PDXDC1: variants seen among roughly 807,000 people sequenced by gnomAD.
The protein encoded by PDXDC1 is pyridoxal-dependent decarboxylase domain-containing protein 1.
In PDXDC1, 42 loss-of-function variants were observed where a neutral mutation model predicts 100.1. That is an observed-to-expected ratio of 0.42 (90% confidence interval 0.33 to 0.54). The LOEUF (loss-of-function observed/expected upper bound fraction) is 0.54, where lower values mean the gene tolerates loss of function less well. Among genes scored for constraint, PDXDC1 ranks in the 20% least tolerant of loss-of-function variants. The pLI, the probability that PDXDC1 is intolerant of heterozygous loss-of-function variation, is 0.10. For synonymous variants in PDXDC1, 260 were observed against 371.7 expected (o/e 0.70, Z 3.46); for missense variants, 636 against 979.2 (o/e 0.65, Z 4.68).
chr16:15,096,939 C>T (rs924580598), intron 16 of PDXDC1, among the ~76,000 whole-genome samples: 1 of 152,176 alleles, frequency 6.6e-6, no homozygotes, highest in African/African-American at 2.4e-5. Context: ...AAGTGTGTCT[C>T]CCCACCTACA....
intron 16 of PDXDC1, among the ~76,000 whole-genome samples, chr16:15,088,521 G>T (rs1333592134): frequency 1.3e-5 from 2 of 151,982 alleles, no homozygotes; most frequent in African/African-American, 4.8e-5. Context: ...GCAATTCTTG[G>T]TATGTCAAAA....
intron 1 of PDXDC1, among the ~76,000 whole-genome samples, chr16:14,985,762 T>C (rs1969220339): frequency 6.6e-6 from 1 of 152,298 alleles, no homozygotes; most frequent in South Asian, 2.1e-4. Flanking sequence ...TGAGGGAGTA[T>C]TTTAATATCC....
intron 1 of PDXDC1, among the ~76,000 whole-genome samples, chr16:14,983,113 T>G (rs6498533): frequency 2.0e-5 from 3 of 152,054 alleles, no homozygotes; most frequent in Non-Finnish European, 4.4e-5. Flanking sequence ...AAGAGGCCTC[T>G]GAAATAAGTC....
rs1340274212 is a variant in PDXDC1, at chr16:15,125,313, C to G, written c.1400-13566C>G. On this transcript the variant is annotated intron_variant, in intron 16 of 16. Transcript: ENST00000535621. ...AACTGGGCGTTCCCTCGCTGGAGGG[C>G]CAGCACACCAGACTGCAGGTGGCGC... 3 of 687,640 alleles carry G rather than the reference C, an allele frequency of 4.4e-6. No individual in the cohort carries two copies. In the East Asian group the frequency reaches 8.2e-5, roughly 19 times the overall value. 42.6% of individuals were successfully genotyped at this position (687,640 alleles called of 1,614,324 possible).
chr16:14,985,281 C>CTTTTTTT (rs769346480), intron 1 of PDXDC1, among the ~76,000 whole-genome samples: 15 of 114,512 alleles, frequency 1.3e-4, no homozygotes, highest in East Asian at 3.1e-4. Context: ...TGATAAACAA[C>CTTTTTTT]TTTTTTTTTT....
chr16:15,052,737 A>G (rs2044346000), intron 16 of PDXDC1, among the ~76,000 whole-genome samples: 1 of 152,134 alleles, frequency 6.6e-6, no homozygotes, highest in Non-Finnish European at 1.5e-5. Flanking sequence ...TGGCAGGAGA[A>G]TCACTTGAAC....
At chr16:15,111,456 C>CAAAA (rs4012875) in intron 16 of PDXDC1, among the ~76,000 whole-genome samples, 45 of 100,446 alleles carry the variant, frequency 4.5e-4, no homozygotes, top group East Asian at 1.1e-3. Context: ...AACTCTGTCT[C>CAAAA]AAAAAAAAAA....
chr16:14,985,078 C>T (rs1236442055), intron 1 of PDXDC1, among the ~76,000 whole-genome samples: 2 of 152,018 alleles, frequency 1.3e-5, no homozygotes, highest in Non-Finnish European at 2.9e-5. Flanking sequence ...GGGGTTTTAC[C>T]ATCTTGGCCA....
chr16:15,140,060 G>A (rs2048441483), downstream of PDXDC1, among the ~76,000 whole-genome samples: 1 of 113,446 alleles, frequency 8.8e-6, no homozygotes. Context: ...TCACGCCACT[G>A]CAATCCAGCC....
rs918022479 is a variant in PDXDC1, at chr16:15,037,676, T to C, written c.*1401T>C. 1.7e-5 allele frequency: 3 copies of C among 176,762 alleles called. No individual in the cohort carries two copies. Among genetic ancestry groups the C allele is most frequent in the African/African-American group, 4.7e-5 (2 of 42,480 alleles). The allele number at this position is 176,762 out of a possible 1,614,324, so 10.9% of individuals were successfully genotyped here. On this transcript the variant is annotated 3_prime_UTR_variant, in exon 23 of 23. Transcript: ENST00000396410. ...TGAATGTTGGTTTCAATAAAGGTTC[T>C]TGAAATTGTTACCAGTGAATTCAGT... is the stretch of plus-strand genomic sequence containing the variant.
chr16:15,047,030 G>A (rs902174582), intron 16 of PDXDC1, among the ~76,000 whole-genome samples: 3 of 152,068 alleles, frequency 2.0e-5, no homozygotes, highest in Non-Finnish European at 2.9e-5. Flanking sequence ...ACCTTGGGCC[G>A]GGCTTTCTGT....
chr16:15,131,058 G>T (rs779292727), intron 16 of PDXDC1: 2 of 1,585,702 alleles, frequency 1.3e-6, no homozygotes, highest in East Asian at 2.3e-5. Context: ...AGGCCAGGGG[G>T]CCGCGTGTGC....
intron 16 of PDXDC1, chr16:15,047,855 C>G: frequency 1.9e-6 from 3 of 1,609,972 alleles, no homozygotes; most frequent in Non-Finnish European, 2.6e-6. Context: ...CTCATCATAC[C>G]TGTGTGCCTC....
At chr16:15,140,095 CAAAAAAAAA>C (rs372891971), downstream of PDXDC1, among the ~76,000 whole-genome samples, 10 of 43,838 alleles carry the variant, frequency 2.3e-4, no homozygotes, top group East Asian at 8.2e-4. Flanking sequence ...GACTCCATCT[CAAAAAAAAA>C]AAAAAAAAAA....
rs1397890965 is a variant in PDXDC1 at position 15,136,466 on chromosome 16, G to A, written c.1400-2413G>A. ...CCACCTGCTCACCAGGGCCGGCCCA[G>A]CTCCCACCTCCCTCCTCCTGAGACT... On this transcript the variant is annotated intron_variant, in intron 16 of 16. Coordinates refer to the PDXDC1 transcript ENST00000535621. The A allele has an allele frequency of 2.9e-5, 18 of 630,706 alleles. No homozygotes were observed. The Admixed American group carries it at 4.7e-4, about 16-fold the overall frequency. The allele number at this position is 630,706 out of a possible 1,614,324, so 39.1% of individuals were successfully genotyped here. A position where few individuals can be genotyped will look rare whatever the true frequency, so the allele number is the denominator to read the frequency against.
intron 16 of PDXDC1, chr16:15,137,584 C>G (rs2048387903): frequency 7.6e-7 from 1 of 1,309,340 alleles, no homozygotes; most frequent in Non-Finnish European, 1.1e-6. Context: ...CTCCTCCTGG[C>G]TCCACCCCAC....
the PDXDC1 span, among the ~76,000 whole-genome samples, chr16:15,148,051 C>A: frequency 1.3e-5 from 2 of 149,924 alleles, no homozygotes; most frequent in East Asian, 4.0e-4. Context: ...TGCAGTGGCA[C>A]CATCACAGCT....
intron 1 of PDXDC1, among the ~76,000 whole-genome samples, chr16:14,987,239 A>C (rs913912901): frequency 6.6e-6 from 1 of 152,300 alleles, no homozygotes; most frequent in South Asian, 2.1e-4. Context: ...TTAAAATTAA[A>C]CCTTAGTTCT....
At chr16:15,127,946 C>T (rs1385933836) in intron 16 of PDXDC1, 3 of 1,483,990 alleles carry the variant, frequency 2.0e-6, no homozygotes, top group South Asian at 1.1e-5. Flanking sequence ...GGCAGGACCA[C>T]CCTGCCCAAC....
Sources: allele counts gnomAD v4.1 joint callset (sites outside exome capture counted in the v4.1 genomes callset), GRCh38; gene constraint gnomAD v4.1.1; transcripts MANE v1.5; gene names NCBI Gene and HGNC (gene_info 2026-07-23, HGNC 2026-07-21).